Variants in PPP2R2B observed in about 807,000 individuals in gnomAD.
PPP2R2B encodes the protein serine/threonine-protein phosphatase 2A 55 kDa regulatory subunit B beta isoform.
A neutral mutation model predicts 46.0 loss-of-function variants in PPP2R2B; 5 were observed. The observed-to-expected ratio is 0.11, with a 90% CI of 0.06 to 0.23. The LOEUF is 0.23. Ranked by LOEUF, PPP2R2B falls within the 10% of genes least tolerant of loss-of-function variation. PPP2R2B has a pLI of 1.00. For missense variants in PPP2R2B, 367 were observed against 575.0 expected (o/e 0.64, Z 3.70); for synonymous variants, 215 against 206.7 (o/e 1.04, Z -0.34).
rs1302961757 is a variant in PPP2R2B, at chr5:146,898,539, A to T, written c.79+157126T>A. On this transcript the variant is annotated intron_variant, in intron 1 of 8. Coordinates refer to the PPP2R2B transcript ENST00000336640. Reference sequence around the variant, plus strand: ...AAAAACCCTAGAAGAAAACCTAGGCATTACCATTCAGGACATAGGCATGGG... The same window carrying T: ...AAAAACCCTAGAAGAAAACCTAGGCTTTACCATTCAGGACATAGGCATGGG... Among the ~76,000 whole-genome samples, 3 of 151,892 alleles carry T rather than the reference A, an allele frequency of 2.0e-5. No individual in the cohort carries two copies. The East Asian group carries it at 5.8e-4, about 29-fold the overall frequency.
At chr5:146,704,191 C>T (rs1779699618) in intron 2 of PPP2R2B, among the ~76,000 whole-genome samples, 1 of 152,190 alleles carries the variant, frequency 6.6e-6, no homozygotes, top group African/African-American at 2.4e-5. Flanking sequence ...AATCATTATA[C>T]ATTCCAATTT....
At chr5:146,954,365 A>G (rs1160677968) in intron 1 of PPP2R2B, among the ~76,000 whole-genome samples, 1 of 152,212 alleles carries the variant, frequency 6.6e-6, no homozygotes, top group Non-Finnish European at 1.5e-5. Context: ...TTGAAAAGAC[A>G]TGCTTCACTT....
intron 7 of PPP2R2B, among the ~76,000 whole-genome samples, chr5:146,609,786 G>C (rs1235418006): frequency 7.5e-6 from 1 of 133,656 alleles, no homozygotes; most frequent in Non-Finnish European, 1.6e-5. Context: ...TTTTCAGACC[G>C]GCTTAAGAAA....
chr5:147,010,088 A>G (rs1176243631), intron 1 of PPP2R2B, among the ~76,000 whole-genome samples: 3 of 152,190 alleles, frequency 2.0e-5, no homozygotes, highest in Non-Finnish European at 4.4e-5. Context: ...TTTATCTGTC[A>G]GAAGGAATTT....
At chr5:146,718,764 C>T (rs1394595162) in intron 2 of PPP2R2B, among the ~76,000 whole-genome samples, 1 of 152,154 alleles carries the variant, frequency 6.6e-6, no homozygotes, top group African/African-American at 2.4e-5. Flanking sequence ...AAGTCTGACC[C>T]AGTGAACTAT....
At position 147,027,293 on chromosome 5, in the gene PPP2R2B, G is replaced by GAAA. The variant is rs759182202; in HGVS notation, c.79+28371_79+28372insTTT. ...CAAATGTACTAAATACCACTGCATTGTTCATCTGAAAATGGTTAATTTTAT... is the reference window on the plus strand; with the variant it reads ...CAAATGTACTAAATACCACTGCATTGAAATTCATCTGAAAATGGTTAATTTTAT... On this transcript the variant is annotated intron_variant, in intron 1 of 8. Coordinates refer to the PPP2R2B transcript ENST00000336640. Among the ~76,000 whole-genome samples the GAAA allele has an allele frequency of 0.011, 1,687 of 152,228 alleles. 87 individuals carry two copies. In the East Asian group the frequency reaches 0.17, roughly 16 times the overall value.
At chr5:146,994,337 C>T (rs537788944) in intron 1 of PPP2R2B, among the ~76,000 whole-genome samples, 1 of 152,078 alleles carries the variant, frequency 6.6e-6, no homozygotes, top group African/African-American at 2.4e-5. Context: ...AGTCATTCAA[C>T]CTATATTTCG....
At chr5:146,983,129 C>T (rs529155877) in intron 1 of PPP2R2B, among the ~76,000 whole-genome samples, 1 of 143,438 alleles carries the variant, frequency 7.0e-6, no homozygotes, top group African/African-American at 2.5e-5. Context: ...GTTACTTGAA[C>T]ATTTTTTAGA....
intron 5 of PPP2R2B, among the ~76,000 whole-genome samples, chr5:146,688,917 C>T (rs1778666005): frequency 6.6e-6 from 1 of 152,088 alleles, no homozygotes; most frequent in Non-Finnish European, 1.5e-5. Context: ...GTTGTTTTCT[C>T]CATAAGATTG....
At chr5:146,726,015 A>C (rs3844538) in intron 2 of PPP2R2B, among the ~76,000 whole-genome samples, 12,158 of 152,296 alleles carry the variant, frequency 0.08, 758 homozygotes, top group East Asian at 0.3. Context: ...AATCTCATGT[A>C]CATTATAAAT....
intron 5 of PPP2R2B, among the ~76,000 whole-genome samples, chr5:146,687,984 A>T (rs1778615904): frequency 6.6e-6 from 1 of 152,174 alleles, no homozygotes; most frequent in African/African-American, 2.4e-5. Context: ...CGTGTTAGTA[A>T]ATTATAGTCT....
chr5:146,680,050 T>A (rs1778039240), intron 5 of PPP2R2B, among the ~76,000 whole-genome samples: 2 of 150,822 alleles, frequency 1.3e-5, no homozygotes, highest in South Asian at 4.2e-4. Context: ...ACTGGGTATA[T>A]ACCCAAAGGA....
Position 146,964,333 on chromosome 5 carries a change from C to T in PPP2R2B, c.79+91332G>A, listed in dbSNP as rs569872706. On this transcript the variant is annotated intron_variant, in intron 1 of 8. Coordinates refer to the PPP2R2B transcript ENST00000336640. ...ACAATTTTGGCAAAATATAAATACT[C>T]TAATTCCCTTTTGGGAGATTTATGA... Among the ~76,000 whole-genome samples the T allele has an allele frequency of 1.3e-4, 20 of 152,328 alleles. No homozygotes were observed. In the South Asian group the frequency reaches 4.1e-3, roughly 32 times the overall value.
chr5:146,940,664 G>T (rs1241130916), intron 1 of PPP2R2B, among the ~76,000 whole-genome samples: 3 of 152,084 alleles, frequency 2.0e-5, no homozygotes, highest in Admixed American at 1.3e-4. Context: ...GTATAAACTT[G>T]ATAGAATTGG....
chr5:146,815,185 C>G (rs2151325834), intron 2 of PPP2R2B, among the ~76,000 whole-genome samples: 1 of 152,328 alleles, frequency 6.6e-6, no homozygotes, highest in East Asian at 1.9e-4. Flanking sequence ...ATGCTTCCAG[C>G]AAGGTCCATT....
intron 4 of PPP2R2B, among the ~76,000 whole-genome samples, chr5:146,693,200 TCTTCC>T (rs567888189): frequency 1.7e-3 from 253 of 151,602 alleles, no homozygotes; most frequent in Non-Finnish European, 3.1e-3. Flanking sequence ...CTCTCTCCTT[TCTTCC>T]CTTCCTCTCT....
At chr5:146,899,406 T>C (rs1265184125) in intron 1 of PPP2R2B, among the ~76,000 whole-genome samples, 1 of 140,036 alleles carries the variant, frequency 7.1e-6, no homozygotes, top group Non-Finnish European at 1.5e-5. Context: ...TTCTCACTCA[T>C]AGGTGGGAAT....
intron 3 of PPP2R2B, among the ~76,000 whole-genome samples, 175 bp from the exon 4 acceptor site, chr5:146,698,319 TATATATATATATATATATATATATATA>T (rs1779322017): frequency 1.7e-5 from 1 of 57,246 alleles, no homozygotes; most frequent in Admixed American, 3.1e-4. Flanking sequence ...AAAAAAAAAA[TATATATATATATATATATATATATATA>T]TATATACACA....
intron 2 of PPP2R2B, among the ~76,000 whole-genome samples, chr5:147,076,839 C>T (rs937131088): frequency 6.6e-6 from 1 of 151,928 alleles, no homozygotes. Context: ...TCTTTACAAC[C>T]CTCTCACTTT....
Sources: allele counts gnomAD v4.1 joint callset (sites outside exome capture counted in the v4.1 genomes callset), GRCh38; gene constraint gnomAD v4.1.1; transcripts MANE v1.5; gene names NCBI Gene and HGNC (gene_info 2026-07-23, HGNC 2026-07-21).